Variants in NIPBL observed in about 807,000 individuals in gnomAD.
NIPBL encodes the protein nipped-B-like protein.
In NIPBL, 19 loss-of-function variants were observed where a neutral mutation model predicts 321.8. The observed-to-expected ratio is 0.06, with a 90% confidence interval of 0.04 to 0.09. The LOEUF (loss-of-function observed/expected upper bound fraction) is 0.09. Ranked by LOEUF, NIPBL falls within the 10% of genes least tolerant of loss-of-function variation. NIPBL has a pLI of 1.00. For synonymous variants in NIPBL, 1,106 were observed against 1,114.1 expected (o/e 0.99, Z 0.14); for missense variants, 2,210 against 3,327.0 (o/e 0.66, Z 8.26).
At chr5:36,910,602 T>C (rs1281251998) in intron 1 of NIPBL, among the ~76,000 whole-genome samples, 2 of 152,206 alleles carry the variant, frequency 1.3e-5, no homozygotes, top group Non-Finnish European at 2.9e-5. Context: ...CTTAAGTATT[T>C]CCAGCCGTGG....
chr5:37,026,411 A>C, intron 31 of NIPBL, 84 bp downstream of exon 31: 1 of 785,860 alleles, frequency 1.3e-6, no homozygotes, highest in East Asian at 2.6e-5. Context: ...AAGAGACAAT[A>C]ATGAGATATT....
chr5:36,984,230 A>G (rs1366681855), intron 9 of NIPBL, among the ~76,000 whole-genome samples: 1 of 151,796 alleles, frequency 6.6e-6, no homozygotes, highest in Non-Finnish European at 1.5e-5. Flanking sequence ...TGTTTGGTAT[A>G]TTGGCAGATT....
chr5:36,952,686 T>G (rs1047805912), intron 1 of NIPBL, among the ~76,000 whole-genome samples: 1 of 152,214 alleles, frequency 6.6e-6, no homozygotes, highest in African/African-American at 2.4e-5. Context: ...ATACTGAACA[T>G]TAAAGTCAAT....
chr5:36,915,479 G>A (rs1239156345), intron 1 of NIPBL, among the ~76,000 whole-genome samples: 1 of 152,058 alleles, frequency 6.6e-6, no homozygotes, highest in Non-Finnish European at 1.5e-5. Flanking sequence ...CTTACTAGAT[G>A]AAGTTCTCAG....
chr5:36,973,325 T>C (rs1743078339), intron 8 of NIPBL, among the ~76,000 whole-genome samples: 2 of 151,024 alleles, frequency 1.3e-5, no homozygotes, highest in African/African-American at 4.9e-5. Flanking sequence ...ACATTTTTCT[T>C]TTTTTTTTTC....
intron 1 of NIPBL, among the ~76,000 whole-genome samples, chr5:36,925,243 A>C (rs779011611): frequency 1.3e-5 from 2 of 151,522 alleles, no homozygotes; most frequent in Non-Finnish European, 2.9e-5. Context: ...ATTGTCTTTT[A>C]CACTTATTTT....
At chr5:36,895,516 G>C (rs993888022) in intron 1 of NIPBL, among the ~76,000 whole-genome samples, 2 of 152,278 alleles carry the variant, frequency 1.3e-5, no homozygotes, top group Non-Finnish European at 1.5e-5. Context: ...TGGTAACTAT[G>C]TTTAACTCTG....
intron 44 of NIPBL, among the ~76,000 whole-genome samples, chr5:37,059,953 G>C (rs1294453856): frequency 1.3e-5 from 2 of 152,066 alleles, no homozygotes; most frequent in East Asian, 1.9e-4. Flanking sequence ...ATGGAATTTT[G>C]GTCATTTTTT....
chr5:36,941,726 T>G (rs1362023355), intron 1 of NIPBL, among the ~76,000 whole-genome samples: 1 of 152,180 alleles, frequency 6.6e-6, no homozygotes, highest in Non-Finnish European at 1.5e-5. Context: ...TAAGTTTACT[T>G]TTGTGGAACT....
intron 11 of NIPBL, among the ~76,000 whole-genome samples, chr5:36,999,005 G>T (rs537055796): frequency 1.3e-5 from 2 of 152,250 alleles, no homozygotes; most frequent in Admixed American, 1.3e-4. Flanking sequence ...TAAAGAAGAG[G>T]AAACAAAATG....
chr5:36,960,338 T>C (rs1343086888), intron 4 of NIPBL, among the ~76,000 whole-genome samples: 1 of 151,186 alleles, frequency 6.6e-6, no homozygotes. Flanking sequence ...AACTCCTGTC[T>C]CATTGAGTGT....
chr5:36,882,727 A>G (rs1745598383), intron 1 of NIPBL, among the ~76,000 whole-genome samples: 2 of 151,894 alleles, frequency 1.3e-5, no homozygotes, highest in South Asian at 4.2e-4. Flanking sequence ...ACATTCTACC[A>G]CCCTGGCTCT....
intron 1 of NIPBL, among the ~76,000 whole-genome samples, chr5:36,912,082 A>G (rs1045919356): frequency 9.2e-5 from 14 of 152,256 alleles, no homozygotes; most frequent in African/African-American, 2.9e-4. Context: ...TGGGAACCCA[A>G]TTAGGTTATT....
chr5:37,006,321 G>A, intron 16 of NIPBL, 36 bp from the exon 17 acceptor site: 1 of 1,133,418 alleles, frequency 8.8e-7, no homozygotes, highest in Non-Finnish European at 1.3e-6. Context: ...CTATAAATGT[G>A]TTTATTTCCA....
At chr5:36,927,324 TTATTCA>T (rs1370398652) in intron 1 of NIPBL, among the ~76,000 whole-genome samples, 1 of 152,220 alleles carries the variant, frequency 6.6e-6, no homozygotes, top group Non-Finnish European at 1.5e-5. Flanking sequence ...GTTTAAAATG[TTATTCA>T]TATTCTAAAC....
At chr5:37,042,924 T>C (rs1038138143) in intron 34 of NIPBL, among the ~76,000 whole-genome samples, 27 of 147,992 alleles carry the variant, frequency 1.8e-4, no homozygotes, top group African/African-American at 4.0e-4. Flanking sequence ...CACACACACA[T>C]ATAACTTTGA....
intron 22 of NIPBL, among the ~76,000 whole-genome samples, chr5:37,015,321 C>T (rs1218524189): frequency 2.0e-5 from 3 of 151,978 alleles, no homozygotes; most frequent in African/African-American, 7.2e-5. Context: ...ACGGGGTTTC[C>T]CCGTGTTGGT....
intron 1 of NIPBL, among the ~76,000 whole-genome samples, chr5:36,946,629 C>T (rs527474020): frequency 7.9e-5 from 12 of 151,436 alleles, no homozygotes; most frequent in African/African-American, 2.9e-4. Context: ...TAGTTTTAAG[C>T]CTTTCCCCCA....
chr5:37,000,834 A>G lies in NIPBL; in HGVS notation c.3520A>G (p.Lys1174Glu). 1 of 1,611,426 alleles carries G rather than the reference A, an allele frequency of 6.2e-7. No individual in the cohort carries two copies. Among genetic ancestry groups the G allele is most frequent in the Non-Finnish European group, 8.5e-7 (1 of 1,177,994 alleles). Residue 1174 changes from lysine (K) to glutamate (E), a missense_variant, in exon 13 of 47, where the codon AAA becomes GAA. By Grantham distance (56) the Lys-to-Glu change is moderately conservative. This residue lies in a region of NIPBL where 381 missense variants were observed against 642.3 expected (regional missense o/e 0.59). Coordinates refer to ENST00000282516, the MANE Select transcript of NIPBL (RefSeq NM_133433.4). ...SLSEVARKMK[K>E]KEKQKKRKAY... Reference sequence around the variant, plus strand: ...CGTTTTAGTTGCTAGGAAAATGAAGAAAAAAGAAAAACAGAAGAAAAGGAA... The same window carrying G: ...CGTTTTAGTTGCTAGGAAAATGAAGGAAAAAGAAAAACAGAAGAAAAGGAA...
Sources: allele counts gnomAD v4.1 joint callset (sites outside exome capture counted in the v4.1 genomes callset), GRCh38; gene constraint gnomAD v4.1.1; regional missense constraint gnomAD v4.1.1; transcripts MANE v1.5; gene names NCBI Gene and HGNC (gene_info 2026-07-23, HGNC 2026-07-21).